ST3GAL1: variants seen among roughly 807,000 people sequenced by gnomAD.
ST3GAL1 encodes ST3 beta-galactoside alpha-2,3-sialyltransferase 1.
ST3GAL1 carries 16 observed loss-of-function variants against 34.1 expected under a neutral mutation model. That is an observed-to-expected ratio of 0.47 (90% CI 0.32 to 0.71). The LOEUF is 0.71. Among genes scored for constraint, ST3GAL1 ranks in the 30% least tolerant of loss-of-function variants. ST3GAL1 has a pLI of 0.04. For synonymous variants in ST3GAL1, 191 were observed against 184.7 expected (o/e 1.03, Z -0.28); for missense variants, 353 against 447.4 (o/e 0.79, Z 1.90).
rs887133294 is a variant in ST3GAL1 at position 133,512,999 on chromosome 8, G to T, written c.-428-13810C>A. ...AAGGGGCCTGATGGCTTCCATAGAA[G>T]GAAGCTGGAGGGTCTCACCTGGGGT... On this transcript the variant is annotated intron_variant, in intron 2 of 9. Transcript: ENST00000522652. Among the ~76,000 whole-genome samples the T allele has an allele frequency of 2.6e-5, 4 of 152,328 alleles. No individual in the cohort carries two copies. The East Asian group carries it at 7.7e-4, about 29-fold the overall frequency.
rs112022422 is a variant in ST3GAL1 at position 133,556,053 on chromosome 8, C to T, written c.-581-10127G>A. Among the ~76,000 whole-genome samples the T allele has an allele frequency of 8.1e-3, 1,225 of 150,878 alleles. 21 individuals are homozygous for T. The highest frequency in any genetic ancestry group is 0.028 in the African/African-American group (1,150 of 41,024). On this transcript the variant is annotated intron_variant, in intron 1 of 9. Coordinates refer to ENST00000522652, the MANE Select transcript of ST3GAL1 (RefSeq NM_173344.3). The surrounding 1 kb of genome is among the most constrained non-coding windows in gnomAD (Gnocchi z 8.9). ...GGATTACAGGCACCTGCCACCACGC[C>T]TGGCTGATTTTTTTTGTATTTTAGT...
rs1250111878 is a variant in ST3GAL1 at position 133,469,381 on chromosome 8, G to T, written c.307-3291C>A. ...TTACAGGTGTGCACCACTGTGCCTG[G>T]CTAATTTTTGTATTTTTAGTAGAAA... On this transcript the variant is annotated intron_variant, in intron 5 of 9. Transcript: ENST00000522652. The surrounding 1 kb of genome is among the most constrained non-coding windows in gnomAD (Gnocchi z 4.3). 6.6e-6 allele frequency among the ~76,000 whole-genome samples: 1 copy of T among 152,020 alleles called. No individual in the cohort carries two copies. The highest frequency in any genetic ancestry group is 1.5e-5 in the Non-Finnish European group (1 of 68,016).
intron 2 of ST3GAL1, among the ~76,000 whole-genome samples, chr8:133,538,578 T>C (rs1291236340): frequency 6.6e-6 from 1 of 152,244 alleles, no homozygotes; most frequent in Non-Finnish European, 1.5e-5. Context: ...CTGTTACAGC[T>C]GCCCAGGAGA....
intron 2 of ST3GAL1, among the ~76,000 whole-genome samples, chr8:133,510,976 C>G (rs1459787782): frequency 6.6e-6 from 1 of 152,202 alleles, no homozygotes; most frequent in Non-Finnish European, 1.5e-5. Flanking sequence ...TAACCAGTGA[C>G]CTTTTCAAAT....
intron 3 of ST3GAL1, among the ~76,000 whole-genome samples, chr8:133,491,098 A>T (rs185419995): frequency 1.3e-3 from 202 of 152,272 alleles, no homozygotes; most frequent in Non-Finnish European, 2.3e-3. Context: ...TGAAGCACAA[A>T]TAGTGGCTCA....
rs548768319 is a variant in ST3GAL1, at chr8:133,456,259, A to G, written c.*3505T>C. 1 of 152,148 alleles carries G rather than the reference A, an allele frequency of 6.6e-6. No individual in the cohort carries two copies. The highest frequency in any genetic ancestry group is 6.5e-5 in the Admixed American group (1 of 15,300). 9.4% of individuals were successfully genotyped at this position (152,148 alleles called of 1,614,324 possible). A position where few individuals can be genotyped will look rare whatever the true frequency, so the allele number is the denominator to read the frequency against. ...AGGAGAGGTGCATGTAGCTCCAGCT[A>G]TAGCAAATCAGTGCCCTGACTCACT... is the stretch of plus-strand genomic sequence containing the variant. On this transcript the variant is annotated 3_prime_UTR_variant, in exon 10 of 10. Transcript: ENST00000522652.
chr8:133,474,124 T>C (rs566884445), intron 5 of ST3GAL1, among the ~76,000 whole-genome samples: 1 of 152,182 alleles, frequency 6.6e-6, no homozygotes, highest in Non-Finnish European at 1.5e-5. Flanking sequence ...TCATTTCAAA[T>C]AGACCTTCCC....
intron 2 of ST3GAL1, among the ~76,000 whole-genome samples, chr8:133,513,231 C>T (rs1272488628): frequency 6.6e-6 from 1 of 152,180 alleles, no homozygotes; most frequent in Non-Finnish European, 1.5e-5. Flanking sequence ...ATGCCTCGGC[C>T]TTCACTCGTG....
chr8:133,533,258 A>G (rs1372484330), intron 2 of ST3GAL1, among the ~76,000 whole-genome samples: 1 of 152,152 alleles, frequency 6.6e-6, no homozygotes, highest in Non-Finnish European at 1.5e-5. Flanking sequence ...AGAGAGAATG[A>G]CGTGCAGGTG....
At chr8:133,497,002 C>A (rs1816968925) in intron 3 of ST3GAL1, among the ~76,000 whole-genome samples, 1 of 152,248 alleles carries the variant, frequency 6.6e-6, no homozygotes, top group Non-Finnish European at 1.5e-5. Context: ...GCCCCATGAA[C>A]TGCTCCCCCA....
intron 1 of ST3GAL1, among the ~76,000 whole-genome samples, chr8:133,546,736 T>C (rs1818683949): frequency 6.6e-6 from 1 of 151,556 alleles, no homozygotes; most frequent in Non-Finnish European, 1.5e-5. Context: ...CGGTGGCTCA[T>C]GCCTGTAATC....
intron 3 of ST3GAL1, among the ~76,000 whole-genome samples, chr8:133,490,351 A>G (rs922603144): frequency 2.6e-5 from 4 of 152,220 alleles, no homozygotes; most frequent in African/African-American, 9.7e-5. Flanking sequence ...CGATGCTTCA[A>G]GAACACAGCT....
At chr8:133,501,766 C>CAAACA (rs772050313) in intron 2 of ST3GAL1, among the ~76,000 whole-genome samples, 403 of 131,222 alleles carry the variant, frequency 3.1e-3, no homozygotes, top group Non-Finnish European at 5.1e-3. Flanking sequence ...AACAAACAAA[C>CAAACA]AACAACAACA....
chr8:133,492,519 C>T (rs994899249), intron 3 of ST3GAL1, among the ~76,000 whole-genome samples: 2 of 152,084 alleles, frequency 1.3e-5, no homozygotes, highest in Non-Finnish European at 2.9e-5. Context: ...TCAGGATTTC[C>T]GAGACCAGCC....
chr8:133,491,683 C>CG (rs1238539879), intron 3 of ST3GAL1, among the ~76,000 whole-genome samples: 1 of 152,210 alleles, frequency 6.6e-6, no homozygotes, highest in Admixed American at 6.5e-5. Context: ...ATTAAGATCA[C>CG]GTTATAAACC....
chr8:133,474,208 C>A (rs533646059), intron 5 of ST3GAL1, among the ~76,000 whole-genome samples: 1 of 152,176 alleles, frequency 6.6e-6, no homozygotes, highest in Middle Eastern at 3.2e-3. Flanking sequence ...AAGCCTTCTG[C>A]GATAACCCCA....
chr8:133,475,131 A>G (rs952837706), intron 5 of ST3GAL1, among the ~76,000 whole-genome samples: 6 of 152,350 alleles, frequency 3.9e-5, no homozygotes, highest in Middle Eastern at 3.4e-3. Context: ...AGGTGTCCTC[A>G]TAAGAAAAGG....
chr8:133,548,443 A>G (rs1022680683), intron 1 of ST3GAL1, among the ~76,000 whole-genome samples: 10 of 152,186 alleles, frequency 6.6e-5, no homozygotes, highest in Non-Finnish European at 1.2e-4. Context: ...TGTTCCCTGC[A>G]TTCCTACAAA....
intron 1 of ST3GAL1, among the ~76,000 whole-genome samples, chr8:133,548,367 C>A (rs1036794356): frequency 6.6e-6 from 1 of 152,162 alleles, no homozygotes; most frequent in Non-Finnish European, 1.5e-5. Flanking sequence ...GTGTAAACAC[C>A]ACTTCACAGA....
Sources: allele counts gnomAD v4.1 joint callset (sites outside exome capture counted in the v4.1 genomes callset), GRCh38; gene constraint gnomAD v4.1.1; non-coding constraint Gnocchi (gnomAD v3.1); transcripts MANE v1.5; gene names NCBI Gene and HGNC (gene_info 2026-07-23, HGNC 2026-07-21).